The following SBF2 variants were observed in gnomAD, a reference collection of about 807,000 sequenced individuals.
SBF2 encodes the protein myotubularin-related protein 13.
In SBF2, 112 loss-of-function variants were observed where a neutral mutation model predicts 225.2. The ratio of observed to expected loss-of-function variants is 0.50; its 90% CI spans 0.43 to 0.58. The LOEUF (loss-of-function observed/expected upper bound fraction) is 0.58, where lower values mean the gene tolerates loss of function less well. Among genes scored for constraint, SBF2 ranks in the 20% least tolerant of loss-of-function variants. SBF2 has a pLI of 0.00. For missense variants in SBF2, 1,996 were observed against 2,206.2 expected, an observed-to-expected ratio of 0.90 and a Z score of 1.91; for synonymous variants, 763 against 773.3, an observed-to-expected ratio of 0.99 and a Z score of 0.22.
chr11:9,999,916 A>G lies in SBF2; in HGVS notation c.861+998T>C, dbSNP rs1171603882. ...ACTTCTTTGCTGGCATTTAAAACTA[A>G]AACAGAAGAAGAATTACAAAATCTT... On this transcript the variant is annotated intron_variant, in intron 8 of 39. Transcript: ENST00000256190. 3.5e-4 allele frequency among the ~76,000 whole-genome samples: 54 copies of G among 152,256 alleles called. 1 individual carries two copies. Among genetic ancestry groups the G allele is most frequent in the Admixed American group, 3.5e-3 (54 of 15,288 alleles).
At chr11:9,988,395 A>T (rs1183946859) in intron 13 of SBF2, among the ~76,000 whole-genome samples, 1 of 152,216 alleles carries the variant, frequency 6.6e-6, no homozygotes, top group Non-Finnish European at 1.5e-5. Context: ...CAATAAAAAC[A>T]AAGATGAATA....
intron 1 of SBF2, among the ~76,000 whole-genome samples, chr11:10,253,118 C>CA (rs546522229): frequency 0.11 from 8,463 of 76,834 alleles, 437 homozygotes; most frequent in Admixed American, 0.18. Context: ...AGGTAAATAC[C>CA]AAAAAAAAAA....
intron 2 of SBF2, among the ~76,000 whole-genome samples, chr11:10,163,081 G>A (rs974885580): frequency 6.6e-5 from 10 of 152,176 alleles, no homozygotes; most frequent in African/African-American, 2.4e-4. Context: ...GAGGGACAAA[G>A]CTAATGTCAT....
intron 2 of SBF2, among the ~76,000 whole-genome samples, chr11:10,134,841 C>T (rs561507918): frequency 5.1e-4 from 78 of 152,304 alleles, no homozygotes; most frequent in Non-Finnish European, 1.0e-3. Context: ...TCCAGGCACA[C>T]AGTGCAAGCT....
intron 6 of SBF2, among the ~76,000 whole-genome samples, chr11:10,011,865 T>C (rs1416698763): frequency 6.6e-6 from 1 of 152,220 alleles, no homozygotes; most frequent in Admixed American, 6.5e-5. Flanking sequence ...ATTGTGCTTC[T>C]TGGGTCTACA....
At chr11:10,282,204 T>C (rs1252856577) in intron 1 of SBF2, among the ~76,000 whole-genome samples, 1 of 152,196 alleles carries the variant, frequency 6.6e-6, no homozygotes, top group Non-Finnish European at 1.5e-5. Context: ...GGGTTTTCCA[T>C]GATACCATAT....
At chr11:9,807,900 T>C (rs1039569337) in intron 32 of SBF2, 100 bp downstream of exon 32, 20 of 1,047,536 alleles carry the variant, frequency 1.9e-5, no homozygotes, top group Admixed American at 9.7e-5. Context: ...ATCAGAGTTA[T>C]GACAGGAAGG....
intron 17 of SBF2, among the ~76,000 whole-genome samples, chr11:9,890,171 C>CTG (rs1185342167): frequency 1.8e-4 from 28 of 152,300 alleles, no homozygotes; most frequent in Admixed American, 1.7e-3. Flanking sequence ...TCCCGAAGTG[C>CTG]TGGGATTACA....
At chr11:10,212,036 T>C (rs189893829) in intron 1 of SBF2, among the ~76,000 whole-genome samples, 24 of 152,300 alleles carry the variant, frequency 1.6e-4, no homozygotes, top group African/African-American at 5.5e-4. Context: ...TTTCAAGTCT[T>C]TAATATGGCA....
intron 1 of SBF2, among the ~76,000 whole-genome samples, chr11:10,236,164 G>A (rs761513987): frequency 3.3e-5 from 5 of 152,066 alleles, no homozygotes; most frequent in Non-Finnish European, 5.9e-5. Flanking sequence ...AATAACGTTC[G>A]ATTTAGGTCC....
At chr11:10,242,095 G>A (rs1959261172) in intron 1 of SBF2, among the ~76,000 whole-genome samples, 1 of 151,678 alleles carries the variant, frequency 6.6e-6, no homozygotes, top group Admixed American at 6.6e-5. Context: ...GTCCACTGGT[G>A]TCTATGGGCA....
At chr11:10,018,576 T>C (rs1289012669) in intron 6 of SBF2, among the ~76,000 whole-genome samples, 2 of 152,142 alleles carry the variant, frequency 1.3e-5, no homozygotes, top group African/African-American at 4.8e-5. Flanking sequence ...GATAATTCAA[T>C]GCAAAGATAG....
chr11:9,923,309 AAAC>A (rs112653428), intron 16 of SBF2, among the ~76,000 whole-genome samples: 28 of 151,326 alleles, frequency 1.9e-4, no homozygotes, highest in African/African-American at 4.9e-4. Context: ...CCCTAGTTAA[AAAC>A]AACAACAACA....
rs144790471 is a variant in SBF2, at chr11:9,911,115, C to T, written c.1861-15104G>A. 2.7e-3 allele frequency among the ~76,000 whole-genome samples: 411 copies of T among 151,772 alleles called. 3 individuals carry two copies. Among genetic ancestry groups the T allele is most frequent in the African/African-American group, 9.5e-3 (393 of 41,382 alleles). The stretch of plus-strand genomic sequence containing the variant: ...GGGCACGGTGGCTCATGCCTGTAAT[C>T]CCAGAACTTTGGGAGGCCGAGTCAG... On this transcript the variant is annotated intron_variant, in intron 16 of 39. Coordinates refer to ENST00000256190, the MANE Select transcript of SBF2 (RefSeq NM_030962.4).
At chr11:10,121,482 CCCA>C (rs1565253091) in intron 2 of SBF2, among the ~76,000 whole-genome samples, 3 of 152,216 alleles carry the variant, frequency 2.0e-5, no homozygotes, top group African/African-American at 4.8e-5. Context: ...ATATCCCCCT[CCCA>C]CCACCACATG....
intron 16 of SBF2, chr11:9,961,473 T>C (rs1866562728): frequency 6.5e-6 from 1 of 153,170 alleles, no homozygotes. Context: ...GTGGGAAGTT[T>C]GTTTCTGAAA....
intron 1 of SBF2, among the ~76,000 whole-genome samples, chr11:10,241,909 G>A (rs1959239552): frequency 6.6e-6 from 1 of 151,944 alleles, no homozygotes; most frequent in East Asian, 2.0e-4. Flanking sequence ...AAAGAGTAAG[G>A]TGAGTGTCTA....
intron 3 of SBF2, among the ~76,000 whole-genome samples, chr11:10,031,900 G>C (rs187704259): frequency 6.6e-6 from 1 of 152,016 alleles, no homozygotes. Flanking sequence ...ACTCCACCAC[G>C]CCAGGTTAAT....
At chr11:9,847,344 T>C (rs942315078) in intron 22 of SBF2, among the ~76,000 whole-genome samples, 2 of 152,126 alleles carry the variant, frequency 1.3e-5, no homozygotes, top group Non-Finnish European at 2.9e-5. Context: ...ACTGGAATTC[T>C]TGGAAATCTG....
Sources: gnomAD v4.1 joint callset for allele counts (sites outside exome capture counted in the v4.1 genomes callset) on GRCh38, gnomAD v4.1.1 for gene constraint, MANE v1.5 for transcripts, NCBI Gene and HGNC (gene_info 2026-07-23, HGNC 2026-07-21) for gene names.